The following TTC7A variants were observed in gnomAD, a reference collection of about 807,000 sequenced individuals.
TTC7A encodes the protein tetratricopeptide repeat protein 7A.
In TTC7A, 110 loss-of-function variants were observed where a neutral mutation model predicts 103.7. The ratio of observed to expected loss-of-function variants is 1.06; its 90% CI spans 0.91 to 1.24. The LOEUF is 1.24. Ranked by LOEUF, TTC7A falls within the 50% of genes most tolerant of loss-of-function variation. The pLI is 0.00. For missense variants in TTC7A, 1,340 were observed against 1,116.3 expected (o/e 1.20, Z -2.86); for synonymous variants, 521 against 467.9 (o/e 1.11, Z -1.47).
rs117227551 is a variant in TTC7A at position 46,986,158 on chromosome 2, T to C, written c.764+7251T>C. ...AGATACTGACGTCAGCTCATCTGCA[T>C]TCGGGCATCTCTGAATGGTCTGTTA... On this transcript the variant is annotated intron_variant, in intron 5 of 19. Coordinates refer to ENST00000319190, the MANE Select transcript of TTC7A (RefSeq NM_020458.4). Among the ~76,000 whole-genome samples, 72 of 152,358 alleles carry C rather than the reference T, an allele frequency of 4.7e-4. 2 individuals are homozygous for C. The East Asian group carries it at 0.014, about 29-fold the overall frequency.
At chr2:47,015,167 T>C (rs981888229) in intron 11 of TTC7A, among the ~76,000 whole-genome samples, 1 of 152,262 alleles carries the variant, frequency 6.6e-6, no homozygotes, top group African/African-American at 2.4e-5. Context: ...GAGGCCTGCA[T>C]GGCAGCCTTC....
chr2:47,048,542 TC>T (rs1254350125), intron 16 of TTC7A, among the ~76,000 whole-genome samples: 1 of 152,178 alleles, frequency 6.6e-6, no homozygotes, highest in African/African-American at 2.4e-5. Context: ...TTGCCAAGGG[TC>T]ACAAAGCTGA....
At chr2:47,000,819 C>T (rs1676732936) in intron 8 of TTC7A, among the ~76,000 whole-genome samples, 1 of 152,154 alleles carries the variant, frequency 6.6e-6, no homozygotes, top group Admixed American at 6.5e-5. Context: ...GGGCCTTGGA[C>T]TTGTTGCCCA....
At position 46,941,902 on chromosome 2, in the gene TTC7A, A is replaced by C. The variant is rs1262715271; in HGVS notation, c.184+177A>C. 3.8e-6 allele frequency: 3 copies of C among 784,126 alleles called. No individual in the cohort carries two copies. Among genetic ancestry groups the C allele is most frequent in the African/African-American group, 3.5e-5 (2 of 57,104 alleles). 48.6% of individuals were successfully genotyped at this position (784,126 alleles called of 1,614,324 possible). Reference sequence around the variant, plus strand: ...CCTTCTGCCGCGAGAGAAAAATCACATGTGGTTTGGGGGCTTGGAGGGAAG... The same window carrying C: ...CCTTCTGCCGCGAGAGAAAAATCACCTGTGGTTTGGGGGCTTGGAGGGAAG... On this transcript the variant is annotated intron_variant, in intron 1 of 19. Transcript: ENST00000319190. The surrounding 1 kb of genome is among the most constrained non-coding windows in gnomAD (Gnocchi z 4.2).
At chr2:47,029,187 G>C (rs1251505634) in intron 14 of TTC7A, 37 bp from the exon 15 acceptor site, 2 of 1,609,922 alleles carry the variant, frequency 1.2e-6, no homozygotes, top group Non-Finnish European at 1.7e-6. Flanking sequence ...GGCAGCATGT[G>C]CCTGGGGAAG....
chr2:47,070,183 G>A (rs1005787818), intron 19 of TTC7A, among the ~76,000 whole-genome samples: 4 of 152,258 alleles, frequency 2.6e-5, no homozygotes, highest in Non-Finnish European at 5.9e-5. Context: ...ATTCTGAAAA[G>A]GCAAGGCCCT....
At chr2:46,979,548 C>G (rs1259944159) in intron 5 of TTC7A, among the ~76,000 whole-genome samples, 1 of 152,174 alleles carries the variant, frequency 6.6e-6, no homozygotes, top group Non-Finnish European at 1.5e-5. Flanking sequence ...CTTCCGTAGG[C>G]TTTTGCTCCT....
Position 47,051,748 on chromosome 2 carries a change from T to C in TTC7A, c.2020T>C (p.Ser674Pro). ...LPDAHDADSGSRRASSIAASR... is the reference protein window; with the variant it reads ...LPDAHDADSGPRRASSIAASR... ...GCTCGTGCCCTCTTGCTCTGCAGGC[T>C]CCCGGCGGGCTTCGTCCATCGCCGC... The change falls in exon 18 of 20, where the codon TCC (serine) becomes CCC (proline). Residue 674 changes from serine to proline, a missense_variant and splice_region_variant. By Grantham distance (74) the Ser-to-Pro change is moderately conservative. Coordinates refer to ENST00000319190, the MANE Select transcript of TTC7A (RefSeq NM_020458.4). 1 of 1,609,226 alleles carries C rather than the reference T, an allele frequency of 6.2e-7. No individual in the cohort carries two copies. Among genetic ancestry groups the C allele is most frequent in the Non-Finnish European group, 8.5e-7 (1 of 1,178,574 alleles).
At chr2:47,020,435 A>G (rs1315973057) in intron 11 of TTC7A, among the ~76,000 whole-genome samples, 1 of 152,154 alleles carries the variant, frequency 6.6e-6, no homozygotes, top group Non-Finnish European at 1.5e-5. Context: ...TTCCCCGACT[A>G]TGGCCTCCCA....
chr2:46,953,850 C>T (rs1158074233), intron 2 of TTC7A, among the ~76,000 whole-genome samples: 3 of 147,582 alleles, frequency 2.0e-5, no homozygotes, highest in African/African-American at 5.0e-5. Context: ...TTTGTAGAGA[C>T]ACAGTTCTTA....
At chr2:47,071,796 C>CT (rs1438581570) in intron 19 of TTC7A, among the ~76,000 whole-genome samples, 1 of 152,228 alleles carries the variant, frequency 6.6e-6, no homozygotes, top group Non-Finnish European at 1.5e-5. Context: ...CACCCACATA[C>CT]TTCTTGATAT....
chr2:47,005,439 G>T (rs368917486), intron 8 of TTC7A, among the ~76,000 whole-genome samples: 13 of 152,134 alleles, frequency 8.5e-5, no homozygotes, highest in African/African-American at 3.1e-4. Context: ...TCCATAAAAC[G>T]ACTGGCCTGT....
chr2:46,953,623 T>C (rs1385199302), intron 2 of TTC7A, among the ~76,000 whole-genome samples: 2 of 152,122 alleles, frequency 1.3e-5, no homozygotes, highest in Non-Finnish European at 2.9e-5. Context: ...TTGGGAAAGC[T>C]TGAAACCCTT....
At chr2:46,949,147 C>T (rs1010724) in intron 1 of TTC7A, among the ~76,000 whole-genome samples, 3,172 of 152,326 alleles carry the variant, frequency 0.021, 109 homozygotes, top group African/African-American at 0.071. Context: ...CTCGAGCCAC[C>T]TCTGCTGTAG....
chr2:46,981,199 C>T (rs988685631), intron 5 of TTC7A, among the ~76,000 whole-genome samples: 6 of 151,886 alleles, frequency 4.0e-5, no homozygotes, highest in East Asian at 1.9e-4. Flanking sequence ...ATACATCTTT[C>T]GTGTTTTTCT....
In TTC7A at chr2:46,978,858, T is replaced by C. The variant is rs140299826; in HGVS notation, c.715T>C (p.Phe239Leu). 34 of 1,613,934 alleles carry C rather than the reference T, an allele frequency of 2.1e-5. No homozygotes were observed. The highest frequency in any genetic ancestry group is 2.9e-5 in the Non-Finnish European group (34 of 1,179,978). ...CHPLDYELTY[F>L]LEAALQSAYV... ...CCCGCTTGACTATGAGCTCACCTAC[T>C]TCCTGGAAGCTGCCCTCCAGAGCGC... Residue 239 changes from phenylalanine to leucine, a missense_variant, in exon 5 of 20, where the codon TTC becomes CTC. Physicochemically the swap from Phe to Leu is conservative, Grantham distance 22 (BLOSUM62 0). Transcript: ENST00000319190.
At chr2:47,024,488 A>T in intron 14 of TTC7A, 129 bp downstream of exon 14, 1 of 809,176 alleles carries the variant, frequency 1.2e-6, no homozygotes, top group Non-Finnish European at 1.9e-6. Flanking sequence ...CTTATCTGTC[A>T]TGTAAGTCCT....
In TTC7A at chr2:47,018,631, A is replaced by G. The variant is rs147084093; in HGVS notation, c.1393-3231A>G. Among the ~76,000 whole-genome samples, 357 of 151,730 alleles carry G rather than the reference A, an allele frequency of 2.4e-3. 1 individual carries two copies. Among genetic ancestry groups the G allele is most frequent in the African/African-American group, 7.9e-3 (329 of 41,444 alleles). ...TATTATTATATCAAAGCTTATATACATATAAGAAAGTAGATATCATATATG... is the reference window on the plus strand; with the variant it reads ...TATTATTATATCAAAGCTTATATACGTATAAGAAAGTAGATATCATATATG... On this transcript the variant is annotated intron_variant, in intron 11 of 19. Transcript: ENST00000319190.
chr2:46,942,015 G>T (rs566688425), intron 1 of TTC7A, among the ~76,000 whole-genome samples: 1 of 152,318 alleles, frequency 6.6e-6, no homozygotes, highest in South Asian at 2.1e-4. Flanking sequence ...CATGAGATCA[G>T]TGCATTGGCT....
Sources: allele counts gnomAD v4.1 joint callset (sites outside exome capture counted in the v4.1 genomes callset), GRCh38; gene constraint gnomAD v4.1.1; non-coding constraint Gnocchi (gnomAD v3.1); transcripts MANE v1.5; gene names NCBI Gene and HGNC (gene_info 2026-07-23, HGNC 2026-07-21).